Variants in ZRANB3 observed in about 807,000 individuals in gnomAD.
ZRANB3 encodes zinc finger RANBP2-type containing 3.
ZRANB3 carries 125 observed loss-of-function variants against 133.8 expected under a neutral mutation model. That is an observed-to-expected ratio of 0.93 (90% CI 0.81 to 1.08). The LOEUF (loss-of-function observed/expected upper bound fraction) is 1.08. Among genes scored for constraint, ZRANB3 ranks in the 50% least tolerant of loss-of-function variants. ZRANB3 has a pLI of 0.00. For synonymous variants in ZRANB3, 387 were observed against 432.7 expected, an observed-to-expected ratio of 0.89 and a Z score of 1.31; for missense variants, 1,229 against 1,275.5, an observed-to-expected ratio of 0.96 and a Z score of 0.56.
At chr2:135,330,298 T>G (rs1266618000) in intron 6 of ZRANB3, among the ~76,000 whole-genome samples, 1 of 152,186 alleles carries the variant, frequency 6.6e-6, no homozygotes, top group Non-Finnish European at 1.5e-5. Context: ...CCTTTTTGCA[T>G]CTGTTGAGAT....
chr2:135,321,228 T>C (rs1419085433), intron 6 of ZRANB3, among the ~76,000 whole-genome samples: 1 of 152,212 alleles, frequency 6.6e-6, no homozygotes, highest in Non-Finnish European at 1.5e-5. Flanking sequence ...TGGTTGAACA[T>C]TTTGCATTCC....
intron 19 of ZRANB3, among the ~76,000 whole-genome samples, chr2:135,205,916 C>T (rs796927100): frequency 6.6e-6 from 1 of 152,230 alleles, no homozygotes; most frequent in East Asian, 1.9e-4. Flanking sequence ...AATCGCCAGA[C>T]CATAGGTGCC....
At chr2:135,304,314 T>C (rs1233091360) in intron 8 of ZRANB3, among the ~76,000 whole-genome samples, 2 of 152,218 alleles carry the variant, frequency 1.3e-5, no homozygotes, top group African/African-American at 4.8e-5. Context: ...GGAATGGATA[T>C]TGAATTTTGT....
At chr2:135,397,355 G>C (rs1306185875) in intron 2 of ZRANB3, among the ~76,000 whole-genome samples, 5 of 151,612 alleles carry the variant, frequency 3.3e-5, no homozygotes, top group South Asian at 2.1e-4. Flanking sequence ...GACTGAGGTA[G>C]GAGAACTACT....
chr2:135,215,933 TC>T (rs1472113155), intron 17 of ZRANB3, among the ~76,000 whole-genome samples: 2 of 152,020 alleles, frequency 1.3e-5, no homozygotes, highest in Non-Finnish European at 1.5e-5. Flanking sequence ...TTAAAATGTC[TC>T]CAGACACTAC....
chr2:135,440,352 T>C (rs552612997), intron 2 of ZRANB3, among the ~76,000 whole-genome samples: 2 of 152,054 alleles, frequency 1.3e-5, no homozygotes, highest in South Asian at 2.1e-4. Flanking sequence ...TGAGCTGAGA[T>C]TGCGCCATTG....
intron 3 of ZRANB3, among the ~76,000 whole-genome samples, chr2:135,381,409 A>T (rs1198445700): frequency 1.3e-5 from 2 of 152,090 alleles, no homozygotes; most frequent in Admixed American, 1.3e-4. Flanking sequence ...GCCTCTGTAG[A>T]CTCCACCTCT....
chr2:135,440,068 T>C (rs1689714041), intron 2 of ZRANB3, among the ~76,000 whole-genome samples: 1 of 152,242 alleles, frequency 6.6e-6, no homozygotes, highest in Non-Finnish European at 1.5e-5. Flanking sequence ...AGAACCAAGC[T>C]GTGCTCTCAG....
chr2:135,295,296 T>C (rs1558894991), intron 8 of ZRANB3, among the ~76,000 whole-genome samples: 1 of 152,224 alleles, frequency 6.6e-6, no homozygotes, highest in Non-Finnish European at 1.5e-5. Context: ...GATAGTTAGC[T>C]CTTCTTGTTG....
intron 17 of ZRANB3, among the ~76,000 whole-genome samples, chr2:135,212,123 C>A (rs1228349106): frequency 6.6e-6 from 1 of 152,212 alleles, no homozygotes; most frequent in African/African-American, 2.4e-5. Context: ...TATCTTTTCA[C>A]ATGTTTGCAC....
chr2:135,321,111 T>C (rs756994102), intron 6 of ZRANB3, among the ~76,000 whole-genome samples: 6 of 152,238 alleles, frequency 3.9e-5, no homozygotes, highest in Non-Finnish European at 4.4e-5. Context: ...TATAAACAGC[T>C]GCATACAGAT....
At chr2:135,312,209 T>C (rs1170996471) in intron 8 of ZRANB3, among the ~76,000 whole-genome samples, 1 of 149,060 alleles carries the variant, frequency 6.7e-6, no homozygotes, top group Non-Finnish European at 1.5e-5. Context: ...TTTTATTTTA[T>C]TTTATTTGAG....
chr2:135,505,876 A>G (rs911993409), intron 1 of ZRANB3, among the ~76,000 whole-genome samples: 1 of 152,178 alleles, frequency 6.6e-6, no homozygotes, highest in Non-Finnish European at 1.5e-5. Flanking sequence ...ATGATTAATT[A>G]TAATATAGCA....
intron 2 of ZRANB3, among the ~76,000 whole-genome samples, chr2:135,417,862 A>G (rs1688661017): frequency 6.6e-6 from 1 of 152,158 alleles, no homozygotes; most frequent in Admixed American, 6.5e-5. Context: ...TCGCAAGGAC[A>G]AAAAACTGAA....
At chr2:135,491,577 A>C (rs1453880459) in intron 2 of ZRANB3, among the ~76,000 whole-genome samples, 1 of 151,818 alleles carries the variant, frequency 6.6e-6, no homozygotes, top group Non-Finnish European at 1.5e-5. Flanking sequence ...GCAGTGGCGC[A>C]ATCTCAGCTC....
chr2:135,411,991 A>C lies in ZRANB3; in HGVS notation c.162-21171T>G, dbSNP rs891879495. On this transcript the variant is annotated intron_variant, in intron 2 of 20. Coordinates refer to ENST00000264159, the MANE Select transcript of ZRANB3 (RefSeq NM_032143.4). ...CCATAACATCAGTAACATTTGGTAC[A>C]CTTATTTGTTTATACGGTTATCTCT... Among the ~76,000 whole-genome samples the C allele has an allele frequency of 2.0e-5, 3 of 152,176 alleles. No individual in the cohort carries two copies. The East Asian group carries it at 5.8e-4, about 29-fold the overall frequency.
chr2:135,407,582 G>C (rs1370451006), intron 2 of ZRANB3, among the ~76,000 whole-genome samples: 1 of 150,090 alleles, frequency 6.7e-6, no homozygotes, highest in Non-Finnish European at 1.5e-5. Context: ...ATACTACAAG[G>C]CTACAGTAAC....
rs113888390 is a variant in ZRANB3 at position 135,386,178 on chromosome 2, A to G, written c.180+4624T>C. Among the ~76,000 whole-genome samples the G allele has an allele frequency of 3.0e-3, 453 of 152,296 alleles. 3 individuals carry two copies. The highest frequency in any genetic ancestry group is 0.01 in the African/African-American group (421 of 41,572). On this transcript the variant is annotated intron_variant, in intron 3 of 20. Transcript: ENST00000264159. ...CAAACAACTCCATCAAAAAGTGGGC[A>G]AAGGATATGAACAGACACTTCTCAA...
intron 2 of ZRANB3, among the ~76,000 whole-genome samples, chr2:135,447,595 G>C (rs1371059172): frequency 5.3e-5 from 8 of 152,172 alleles, no homozygotes; most frequent in Non-Finnish European, 1.0e-4. Flanking sequence ...TGGTGGTTCA[G>C]AATGAAGGGG....
Sources: allele counts gnomAD v4.1 joint callset (sites outside exome capture counted in the v4.1 genomes callset), GRCh38; gene constraint gnomAD v4.1.1; transcripts MANE v1.5; gene names NCBI Gene and HGNC (gene_info 2026-07-23, HGNC 2026-07-21).